The following PPM1G variants were observed in gnomAD, a reference collection of about 807,000 sequenced individuals.
The protein encoded by PPM1G is protein phosphatase, Mg2+/Mn2+ dependent 1G.
Under a neutral mutation model 59.4 loss-of-function variants are expected in PPM1G, and 12 were observed. That is an observed-to-expected ratio of 0.20 (90% CI 0.13 to 0.33). The LOEUF is 0.33. PPM1G is among the 10% of genes least tolerant of loss of function. The pLI is 1.00. For synonymous variants in PPM1G, 245 were observed against 251.9 expected, an observed-to-expected ratio of 0.97 and a Z score of 0.26; for missense variants, 392 against 681.3, an observed-to-expected ratio of 0.58 and a Z score of 4.73.
chr2:27,393,162 T>C (rs1268196969), intron 1 of PPM1G: 8 of 1,454,562 alleles, frequency 5.5e-6, no homozygotes, highest in Non-Finnish European at 7.6e-6. Flanking sequence ...CTTCATCAAT[T>C]TCTCAGCATG....
chr2:27,394,741 TAA>T (rs397868730), intron 1 of PPM1G, among the ~76,000 whole-genome samples: 1,453 of 107,892 alleles, frequency 0.013, 33 homozygotes, highest in African/African-American at 0.046. Flanking sequence ...GACTCTGTCT[TAA>T]AAAAAAAAAA....
intron 1 of PPM1G, among the ~76,000 whole-genome samples, chr2:27,390,578 C>G (rs1683875057): frequency 6.6e-6 from 1 of 152,126 alleles, no homozygotes; most frequent in South Asian, 2.1e-4. Context: ...CATCCGTAAA[C>G]AGCCATTCTG....
intron 1 of PPM1G, among the ~76,000 whole-genome samples, chr2:27,406,936 C>T (rs1055987752): frequency 4.6e-5 from 7 of 151,408 alleles, no homozygotes; most frequent in African/African-American, 7.3e-5. Context: ...GACTTTCCTA[C>T]GAAACTATAC....
In PPM1G at chr2:27,385,646, C is replaced by T. The variant is rs1683743580; in HGVS notation, c.409+101G>A. 6.8e-7 allele frequency: 1 copy of T among 1,464,244 alleles called. No individual in the cohort carries two copies. The highest frequency in any genetic ancestry group is 2.2e-5 in the Admixed American group (1 of 46,434). 90.7% of individuals were successfully genotyped at this position (1,464,244 alleles called of 1,614,324 possible). ...AGGTTTCTTTAACATAAGGACTCCC[C>T]AGGTCCCTAGAAAGCCATCCTATCT... On this transcript the variant is annotated intron_variant, in intron 4 of 9. Coordinates refer to ENST00000344034, the MANE Select transcript of PPM1G (RefSeq NM_177983.3). This position sits in a 1 kb window ranked among gnomAD's most constrained non-coding sequence, Gnocchi z 4.1.
chr2:27,383,255 T>C lies in PPM1G; in HGVS notation c.1201+111A>G, dbSNP rs1683686285. 1 of 870,728 alleles carries C rather than the reference T, an allele frequency of 1.1e-6. No individual in the cohort carries two copies. Among genetic ancestry groups the C allele is most frequent in the African/African-American group, 1.7e-5 (1 of 59,678 alleles). The allele number at this position is 870,728 out of a possible 1,614,324, so 53.9% of individuals were successfully genotyped here. A position where few individuals can be genotyped will look rare whatever the true frequency, so the allele number is the denominator to read the frequency against. ...GAAATATAAGAACAGAGGTAGTAGA[T>C]ATTAAAGTGCTTTGAAAGGCACAAG... On this transcript the variant is annotated intron_variant, in intron 7 of 9. Transcript: ENST00000344034. The surrounding 1 kb of genome is among the most constrained non-coding windows in gnomAD (Gnocchi z 5.0).
At chr2:27,392,213 C>T (rs1282486238) in intron 1 of PPM1G, among the ~76,000 whole-genome samples, 2 of 151,866 alleles carry the variant, frequency 1.3e-5, no homozygotes, top group African/African-American at 2.4e-5. Flanking sequence ...TTCCACCATC[C>T]ATCACTGAGT....
chr2:27,403,079 T>C, intron 1 of PPM1G, among the ~76,000 whole-genome samples: 1 of 151,786 alleles, frequency 6.6e-6, no homozygotes. Flanking sequence ...GCACAAGAAA[T>C]CCCATACTCC....
chr2:27,399,915 C>T (rs954023922), intron 1 of PPM1G, among the ~76,000 whole-genome samples: 2 of 101,638 alleles, frequency 2.0e-5, no homozygotes, highest in Admixed American at 1.2e-4. Context: ...TATTTCCACA[C>T]AAAAATTTGT....
At chr2:27,397,041 G>T (rs1047644131) in intron 1 of PPM1G, among the ~76,000 whole-genome samples, 6 of 151,802 alleles carry the variant, frequency 4.0e-5, no homozygotes, top group African/African-American at 1.5e-4. Flanking sequence ...AGCTAATTTT[G>T]TATTTTTAGT....
Position 27,386,188 on chromosome 2 carries a change from A to G in PPM1G, c.276+6T>C. On this transcript the variant is annotated splice_donor_region_variant and intron_variant, in intron 3 of 9. Coordinates refer to ENST00000344034, the MANE Select transcript of PPM1G (RefSeq NM_177983.3). ...AGTGAGGAATGGGCGGTGTAAGCAG[A>G]CAGACCTTCTGTAGCTTGCCTTCCT... 6.2e-7 allele frequency: 1 copy of G among 1,609,042 alleles called. No homozygotes were observed. The highest frequency in any genetic ancestry group is 8.5e-7 in the Non-Finnish European group (1 of 1,175,514).
rs1478544492 is a variant in PPM1G at position 27,387,111 on chromosome 2, A to G, written c.168T>C (p.Phe56=). 6.2e-7 allele frequency: 1 copy of G among 1,613,244 alleles called. No individual in the cohort carries two copies. Among genetic ancestry groups the G allele is most frequent in the Non-Finnish European group, 8.5e-7 (1 of 1,179,178 alleles). ...TACCTCCATGTCCATCGTAGACAGA[A>G]AACATGGCTGTCTCACTGTCCAGCT... ...IPELDSETAM[F]SVYDGHGGEE... Residue 56 remains phenylalanine, a synonymous_variant, in exon 2 of 10, where the codon TTT becomes TTC. Transcript: ENST00000344034.
intron 1 of PPM1G, among the ~76,000 whole-genome samples, chr2:27,408,223 A>G (rs922950056): frequency 1.3e-5 from 2 of 152,214 alleles, no homozygotes; most frequent in Non-Finnish European, 2.9e-5. Context: ...CACAGGGAGG[A>G]GCGAGGGATC....
intron 1 of PPM1G, among the ~76,000 whole-genome samples, chr2:27,388,521 T>C (rs1683821629): frequency 6.6e-6 from 1 of 152,158 alleles, no homozygotes; most frequent in Non-Finnish European, 1.5e-5. Context: ...AGCAAATATA[T>C]GTTAATTTGG....
intron 1 of PPM1G, among the ~76,000 whole-genome samples, chr2:27,401,757 G>A (rs552514919): frequency 6.6e-6 from 1 of 152,214 alleles, no homozygotes; most frequent in East Asian, 1.9e-4. Context: ...AACCTGGGAG[G>A]TGGAGGTTGC....
chr2:27,396,396 G>C (rs758037290), intron 1 of PPM1G, among the ~76,000 whole-genome samples: 1 of 152,168 alleles, frequency 6.6e-6, no homozygotes, highest in Non-Finnish European at 1.5e-5. Context: ...TTTGCCATGA[G>C]CTGGGGGAAA....
In PPM1G at chr2:27,383,280, G is replaced by T; in HGVS notation, c.1201+86C>A. 3.3e-6 allele frequency: 4 copies of T among 1,206,160 alleles called. No individual in the cohort carries two copies. Among genetic ancestry groups the T allele is most frequent in the Non-Finnish European group, 4.8e-6 (4 of 825,928 alleles). The allele number at this position is 1,206,160 out of a possible 1,614,324, so 74.7% of individuals were successfully genotyped here. ...TATTAAAGTGCTTTGAAAGGCACAA[G>T]CACTAGGAAGATTAAAGTTTGCTAC... On this transcript the variant is annotated intron_variant, in intron 7 of 9. Transcript: ENST00000344034. This position sits in a 1 kb window ranked among gnomAD's most constrained non-coding sequence, Gnocchi z 5.0.
At position 27,406,274 on chromosome 2, in the gene PPM1G, G is replaced by A. The variant is rs565133683; in HGVS notation, c.120+3029C>T. ...TTAAGCCCTAAAGCTTCAGAGGAAT[G>A]GGAGTACTTTATATTTTCTGGAAAG... is the stretch of plus-strand genomic sequence containing the variant. On this transcript the variant is annotated intron_variant, in intron 1 of 9. Coordinates refer to ENST00000344034, the MANE Select transcript of PPM1G (RefSeq NM_177983.3). Among the ~76,000 whole-genome samples, 11 of 152,282 alleles carry A rather than the reference G, an allele frequency of 7.2e-5. No homozygotes were observed. In the South Asian group the frequency reaches 2.3e-3, roughly 32 times the overall value.
chr2:27,382,275 G>T lies in PPM1G; in HGVS notation c.1332-47C>A. 1 of 1,591,162 alleles carries T rather than the reference G, an allele frequency of 6.3e-7. No individual in the cohort carries two copies. On this transcript the variant is annotated intron_variant, in intron 8 of 9. Transcript: ENST00000344034. The surrounding 1 kb of genome is among the most constrained non-coding windows in gnomAD (Gnocchi z 4.2). Reference sequence around the variant, plus strand: ...AGAATCTTCCAGTCTCACTAAGGCAGCGTAGAGGAGTATGGACAGAGGTGG... The same window carrying T: ...AGAATCTTCCAGTCTCACTAAGGCATCGTAGAGGAGTATGGACAGAGGTGG...
At chr2:27,399,798 A>G (rs1057267478) in intron 1 of PPM1G, among the ~76,000 whole-genome samples, 1 of 152,230 alleles carries the variant, frequency 6.6e-6, no homozygotes, top group Non-Finnish European at 1.5e-5. Context: ...ACGACGGTAC[A>G]GCAACTTTGG....
Sources: gnomAD v4.1 joint callset for allele counts (sites outside exome capture counted in the v4.1 genomes callset) on GRCh38, gnomAD v4.1.1 for gene constraint, Gnocchi (gnomAD v3.1) non-coding constraint, MANE v1.5 for transcripts, NCBI Gene and HGNC (gene_info 2026-07-23, HGNC 2026-07-21) for gene names.